The following CLIP2 variants were observed in gnomAD, a reference collection of about 807,000 sequenced individuals.
CLIP2 encodes CAP-Gly domain-containing linker protein 2.
A neutral mutation model predicts 111.7 loss-of-function variants in CLIP2; 41 were observed. The observed-to-expected ratio is 0.37, with a 90% CI of 0.29 to 0.48. CLIP2 has a LOEUF of 0.48. Ranked by LOEUF, CLIP2 falls within the 20% of genes least tolerant of loss-of-function variation. The pLI is 0.99. For missense variants in CLIP2, 1,160 were observed against 1,422.1 expected, an observed-to-expected ratio of 0.82 and a Z score of 2.96; for synonymous variants, 660 against 644.2, an observed-to-expected ratio of 1.02 and a Z score of -0.37.
intron 3 of CLIP2, among the ~76,000 whole-genome samples, chr7:74,351,426 C>CAAAAAAAAA (rs55952428): frequency 1.5e-5 from 1 of 65,936 alleles, no homozygotes; most frequent in Non-Finnish European, 3.4e-5. Context: ...ATTCCAGTGT[C>CAAAAAAAAA]AAAAAAAAAA....
chr7:74,398,991 T>G (rs1791538153), intron 14 of CLIP2, among the ~76,000 whole-genome samples: 1 of 151,788 alleles, frequency 6.6e-6, no homozygotes, highest in South Asian at 2.1e-4. Context: ...TCTCATCATC[T>G]CCCTGCACTG....
Position 74,338,516 on chromosome 7 carries a change from C to T in CLIP2, c.190C>T (p.Pro64Ser). 2 of 1,610,136 alleles carry T rather than the reference C, an allele frequency of 1.2e-6. No homozygotes were observed. Among genetic ancestry groups the T allele is most frequent in the South Asian group, 1.1e-5 (1 of 90,694 alleles). ...GGCCGCAGCTGCTGCCCCCGAGAAG[C>T]CGGGCCCCAAGGCGGCGGAAGTGGG... ...SPAAAAAPEK[P>S]GPKAAEVGDD... Residue 64 changes from proline to serine, a missense_variant, in exon 3 of 17, where the codon CCG (proline) becomes TCG (serine). By Grantham distance (74) the Pro-to-Ser change is moderately conservative (BLOSUM62 -1). This residue lies in a region of CLIP2 where 301 missense variants were observed against 315.2 expected (regional missense o/e 0.96). Coordinates refer to ENST00000223398, the MANE Select transcript of CLIP2 (RefSeq NM_003388.5). This position sits in a 1 kb window ranked among gnomAD's most constrained non-coding sequence, Gnocchi z 4.3.
intron 2 of CLIP2, among the ~76,000 whole-genome samples, chr7:74,334,330 G>C (rs1477708510): frequency 6.6e-6 from 1 of 152,112 alleles, no homozygotes; most frequent in Non-Finnish European, 1.5e-5. Flanking sequence ...ATGGGCTCGT[G>C]GCTTGGATTT....
chr7:74,373,432 A>G (rs1261032635), intron 9 of CLIP2, among the ~76,000 whole-genome samples: 1 of 152,158 alleles, frequency 6.6e-6, no homozygotes, highest in Non-Finnish European at 1.5e-5. Flanking sequence ...TGGGAGGTGG[A>G]GGTTGCAGTG....
intron 11 of CLIP2, 37 bp downstream of exon 11, chr7:74,380,900 T>C (rs1394671466): frequency 6.2e-7 from 1 of 1,604,864 alleles, no homozygotes; most frequent in Non-Finnish European, 8.5e-7. Flanking sequence ...CTCTGGGCTC[T>C]GGGAAGAGGC....
chr7:74,323,397 C>T (rs1049201156), intron 2 of CLIP2, among the ~76,000 whole-genome samples: 2 of 151,512 alleles, frequency 1.3e-5, no homozygotes, highest in Non-Finnish European at 1.5e-5. Flanking sequence ...CCATGGCTGG[C>T]CTAGATATCT....
chr7:74,302,343 G>A (rs1168121642), intron 1 of CLIP2, among the ~76,000 whole-genome samples: 2 of 151,778 alleles, frequency 1.3e-5, no homozygotes, highest in Non-Finnish European at 2.9e-5. Context: ...AGCCTCCCAA[G>A]TAGCAGGGAT....
intron 9 of CLIP2, among the ~76,000 whole-genome samples, 181 bp downstream of exon 9, chr7:74,373,217 GCC>G (rs1271258102): frequency 6.6e-6 from 1 of 152,088 alleles, no homozygotes; most frequent in African/African-American, 2.4e-5. Flanking sequence ...TGCTTATGTG[GCC>G]GGGTGCGGTG....
chr7:74,392,546 G>A (rs991948876), intron 13 of CLIP2, among the ~76,000 whole-genome samples: 36 of 151,680 alleles, frequency 2.4e-4, no homozygotes, highest in African/African-American at 8.7e-4. Context: ...GTAAAAGGCT[G>A]AGTGTGGTGG....
chr7:74,314,202 GA>G (rs1266969941), intron 1 of CLIP2, among the ~76,000 whole-genome samples: 1 of 148,254 alleles, frequency 6.7e-6, no homozygotes, highest in East Asian at 2.0e-4. Context: ...AAAAATTGGG[GA>G]AAAGGGACCG....
chr7:74,342,264 T>A (rs1291692953), intron 3 of CLIP2, among the ~76,000 whole-genome samples: 2 of 151,952 alleles, frequency 1.3e-5, no homozygotes, highest in Admixed American at 1.3e-4. Context: ...TAGTCCGAGC[T>A]ACTCGGGAGG....
chr7:74,326,284 G>T (rs547953642), intron 2 of CLIP2, among the ~76,000 whole-genome samples: 7 of 152,042 alleles, frequency 4.6e-5, no homozygotes, highest in Non-Finnish European at 1.0e-4. Flanking sequence ...TCTCAGCTGC[G>T]TTGCCCAGGG....
At chr7:74,385,184 A>G (rs1791053033) in intron 11 of CLIP2, among the ~76,000 whole-genome samples, 1 of 150,996 alleles carries the variant, frequency 6.6e-6, no homozygotes, top group South Asian at 2.1e-4. Context: ...AATCGCAGCT[A>G]CTCAGGAGGC....
Position 74,330,953 on chromosome 7 carries a change from C to G in CLIP2, c.122-7495C>G, listed in dbSNP as rs149628284. ...GGCACTATGGCTCACACCTGTAATC[C>G]TAGCACTTTGGGAGGCTGAGGTGGG... On this transcript the variant is annotated intron_variant, in intron 2 of 16. Transcript: ENST00000223398. 5.8e-3 allele frequency among the ~76,000 whole-genome samples: 886 copies of G among 151,896 alleles called. 8 individuals carry two copies. The highest frequency in any genetic ancestry group is 0.021 in the South Asian group (102 of 4,806).
intron 9 of CLIP2, 49 bp from the exon 10 acceptor site, chr7:74,375,838 C>T (rs1790759119): frequency 1.4e-6 from 2 of 1,426,838 alleles, no homozygotes; most frequent in South Asian, 1.4e-5. Flanking sequence ...TCCTTACCTT[C>T]CAGCCAGCCA....
chr7:74,346,732 AAAAAAAAAAAC>A lies in CLIP2; in HGVS notation c.679-7143_679-7133del, dbSNP rs1251724112. 9.5e-3 allele frequency among the ~76,000 whole-genome samples: 615 copies of A among 64,448 alleles called. 14 individuals are homozygous for A. The highest frequency in any genetic ancestry group is 0.023 in the Middle Eastern group (2 of 88). 42.3% of individuals were successfully genotyped at this position (64,448 alleles called of 152,430 possible). A position where few individuals can be genotyped will look rare whatever the true frequency, so the allele number is the denominator to read the frequency against. On this transcript the variant is annotated intron_variant, in intron 3 of 16. Coordinates refer to ENST00000223398, the MANE Select transcript of CLIP2 (RefSeq NM_003388.5). Reference sequence around the variant, plus strand: ...AGTAAGATTCTCAAAAAAAAAAAAAAAAAAAAAAAACAAAACACTGGCCATGCACAGTGGCT... The same window carrying A: ...AGTAAGATTCTCAAAAAAAAAAAAAAAAAACACTGGCCATGCACAGTGGCT...
rs1173022443 is a variant in CLIP2, at chr7:74,338,951, A to C, written c.625A>C (p.Ser209Arg). 1.9e-6 allele frequency: 3 copies of C among 1,599,674 alleles called. No individual in the cohort carries two copies. In the African/African-American group the frequency reaches 4.0e-5, roughly 21 times the overall value. Residue 209 changes from serine (S) to arginine (R), a missense_variant, in exon 3 of 17, where the codon AGC becomes CGC. By Grantham distance (110) the Ser-to-Arg change is moderately radical. This residue lies in a region of CLIP2 where 301 missense variants were observed against 315.2 expected (regional missense o/e 0.96). Coordinates refer to ENST00000223398, the MANE Select transcript of CLIP2 (RefSeq NM_003388.5). The surrounding 1 kb of genome is among the most constrained non-coding windows in gnomAD (Gnocchi z 4.3). The part of the protein sequence containing the change: ...GNESGSNLSD[S>R]GSVKRGEKDL... ...CGAGTCGGGATCCAACCTCTCAGAC[A>C]GCGGCTCTGTGAAGCGGGGCGAAAA... is the stretch of plus-strand genomic sequence containing the variant.
At chr7:74,390,136 GAAAGAAAGAAAGAA>G (rs1294497236) in intron 13 of CLIP2, among the ~76,000 whole-genome samples, 2 of 85,374 alleles carry the variant, frequency 2.3e-5, no homozygotes, top group Non-Finnish European at 4.4e-5. Context: ...GAGAGAGAGA[GAAAGAAAGAAAGAA>G]AAAGAAAGAA....
rs190884904 is a variant in CLIP2 at position 74,290,669 on chromosome 7, G to A, written c.-68+935G>A. ...TGAGGGGGTCTGCCGTCACTCTTGCGCGATGCCTGAGGGAGGTGGGTGGGG... is the reference window on the plus strand; with the variant it reads ...TGAGGGGGTCTGCCGTCACTCTTGCACGATGCCTGAGGGAGGTGGGTGGGG... On this transcript the variant is annotated intron_variant, in intron 1 of 16. Transcript: ENST00000223398. 7.7e-4 allele frequency among the ~76,000 whole-genome samples: 117 copies of A among 152,318 alleles called. 2 individuals carry two copies. The East Asian group carries it at 0.019, about 25-fold the overall frequency.
Sources: gnomAD v4.1 joint callset for allele counts (sites outside exome capture counted in the v4.1 genomes callset) on GRCh38, gnomAD v4.1.1 for gene constraint, gnomAD v4.1.1 regional missense constraint, Gnocchi (gnomAD v3.1) non-coding constraint, MANE v1.5 for transcripts, NCBI Gene and HGNC (gene_info 2026-07-23, HGNC 2026-07-21) for gene names.